Variants in ELP3 observed in about 807,000 individuals in gnomAD.
ELP3 encodes the protein elongator complex protein 3.
In ELP3, 56 loss-of-function variants were observed where a neutral mutation model predicts 74.9. The observed-to-expected ratio is 0.75, with a 90% CI of 0.60 to 0.93. The LOEUF (loss-of-function observed/expected upper bound fraction) is 0.93, where lower values mean the gene tolerates loss of function less well. ELP3 is among the 40% of genes least tolerant of loss of function. The pLI, the probability that ELP3 is intolerant of heterozygous loss-of-function variation, is 0.00. For missense variants in ELP3, 573 were observed against 686.5 expected, an observed-to-expected ratio of 0.83 and a Z score of 1.85; for synonymous variants, 222 against 239.8, an observed-to-expected ratio of 0.93 and a Z score of 0.68.
At chr8:28,182,795 C>T (rs539395446) in intron 14 of ELP3, among the ~76,000 whole-genome samples, 25 of 152,306 alleles carry the variant, frequency 1.6e-4, no homozygotes, top group African/African-American at 5.5e-4. Context: ...CCACGTGGTG[C>T]GTATCTTTTG....
intron 14 of ELP3, among the ~76,000 whole-genome samples, chr8:28,185,544 G>C (rs1815204159): frequency 6.6e-6 from 1 of 152,164 alleles, no homozygotes; most frequent in South Asian, 2.1e-4. Flanking sequence ...TAAAACAGTG[G>C]AACTCTAATT....
intron 13 of ELP3, 48 bp from the exon 14 acceptor site, chr8:28,161,949 G>T: frequency 6.3e-7 from 1 of 1,592,598 alleles, no homozygotes; most frequent in South Asian, 1.1e-5. Flanking sequence ...CCCTCTTAAT[G>T]AACTTCCTTC....
rs1813490652 is a variant in ELP3 at position 28,147,855 on chromosome 8, G to T, written c.1101-8087G>T. Among the ~76,000 whole-genome samples, 1 of 152,140 alleles carries T rather than the reference G, an allele frequency of 6.6e-6. No individual in the cohort carries two copies. The highest frequency in any genetic ancestry group is 1.5e-5 in the Non-Finnish European group (1 of 68,026). Reference sequence around the variant, plus strand: ...GAACACAGAACATCTTGTCTTTCCAGAGAGTAAGTAAATAATCAAAGAATG... The same window carrying T: ...GAACACAGAACATCTTGTCTTTCCATAGAGTAAGTAAATAATCAAAGAATG... On this transcript the variant is annotated intron_variant, in intron 10 of 14. Transcript: ENST00000256398. This position sits in a 1 kb window ranked among gnomAD's most constrained non-coding sequence, Gnocchi z 4.5.
chr8:28,159,756 G>T (rs1174591994), intron 12 of ELP3, among the ~76,000 whole-genome samples: 1 of 152,196 alleles, frequency 6.6e-6, no homozygotes, highest in Non-Finnish European at 1.5e-5. Flanking sequence ...TCGTCAAGGT[G>T]CAGGTGACCA....
upstream of ELP3, among the ~76,000 whole-genome samples, chr8:28,091,409 T>A (rs2037232841): frequency 6.6e-6 from 1 of 152,186 alleles, no homozygotes; most frequent in Admixed American, 6.5e-5. Flanking sequence ...AGAATTATTT[T>A]CGGTTTACAG....
intron 3 of ELP3, among the ~76,000 whole-genome samples, chr8:28,101,242 A>C (rs571493864): frequency 2.0e-5 from 3 of 151,690 alleles, no homozygotes; most frequent in South Asian, 2.1e-4. Flanking sequence ...ACGAAAGCCC[A>C]TCTCTACTAA....
chr8:28,123,454 G>A (rs569204981), intron 7 of ELP3, among the ~76,000 whole-genome samples: 1 of 152,200 alleles, frequency 6.6e-6, no homozygotes, highest in East Asian at 1.9e-4. Context: ...GTCTCTCTTG[G>A]TGAACATGCC....
At chr8:28,170,864 C>T (rs1814496991) in intron 14 of ELP3, among the ~76,000 whole-genome samples, 1 of 152,144 alleles carries the variant, frequency 6.6e-6, no homozygotes, top group Non-Finnish European at 1.5e-5. Flanking sequence ...ACTGTGAACC[C>T]ATTAAGCAGT....
Position 28,132,345 on chromosome 8 carries a change from G to A in ELP3, c.847G>A (p.Ala283Thr), listed in dbSNP as rs772135398. ...LAKDSGFKVV[A>T]HMMPDLPNVG... The stretch of plus-strand genomic sequence containing the variant: ...CAAAGATTCCGGTTTTAAAGTGGTG[G>A]CCCATATGATGCCTGACCTGCCAAA... The change falls in exon 9 of 15, where the codon GCC becomes ACC. Residue 283 changes from alanine (A) to threonine (T), a missense_variant. By Grantham distance (58) the Ala-to-Thr change is moderately conservative. Transcript: ENST00000256398. 1.9e-6 allele frequency: 3 copies of A among 1,614,002 alleles called. No homozygotes were observed. Among genetic ancestry groups the A allele is most frequent in the African/African-American group, 2.7e-5 (2 of 74,898 alleles).
At chr8:28,171,860 TAATTA>T (rs1472360100) in intron 14 of ELP3, among the ~76,000 whole-genome samples, 1 of 152,154 alleles carries the variant, frequency 6.6e-6, no homozygotes, top group African/African-American at 2.4e-5. Context: ...GAGTCTAATT[TAATTA>T]TTTTGCATGT....
upstream of ELP3, among the ~76,000 whole-genome samples, chr8:28,090,940 T>C (rs1386388728): frequency 1.4e-5 from 2 of 144,352 alleles, no homozygotes; most frequent in African/African-American, 5.2e-5. Context: ...GGAGTCTCAC[T>C]GTGTCGCCCA....
chr8:28,149,026 A>G (rs1052327422), intron 10 of ELP3, among the ~76,000 whole-genome samples: 2 of 152,256 alleles, frequency 1.3e-5, no homozygotes, highest in Non-Finnish European at 2.9e-5. Context: ...TCCTTCCATC[A>G]TATGAGACAC....
At chr8:28,171,255 A>G (rs1009174922) in intron 14 of ELP3, among the ~76,000 whole-genome samples, 3 of 152,172 alleles carry the variant, frequency 2.0e-5, no homozygotes, top group Non-Finnish European at 2.9e-5. Flanking sequence ...AGGAACCACC[A>G]AACTATTTTC....
At chr8:28,126,954 C>T (rs184071857) in intron 7 of ELP3, among the ~76,000 whole-genome samples, 11 of 152,176 alleles carry the variant, frequency 7.2e-5, no homozygotes, top group Middle Eastern at 3.4e-3. Flanking sequence ...AATTGCTTTT[C>T]AGATGCAAAT....
At chr8:28,188,200 G>C (rs941842695) in intron 14 of ELP3, among the ~76,000 whole-genome samples, 10 of 152,190 alleles carry the variant, frequency 6.6e-5, no homozygotes, top group Admixed American at 2.6e-4. Flanking sequence ...TGAGGAATGC[G>C]TCCAATATGC....
Position 28,125,320 on chromosome 8 carries a change from A to T in ELP3, c.618-4182A>T, listed in dbSNP as rs973431720. ...TGTGCAATTTGGTTTGAACAGGTTG[A>T]GTATGAGGTTGCAGCATGTCCACAC... On this transcript the variant is annotated intron_variant, in intron 7 of 14. Transcript: ENST00000256398. 7.9e-5 allele frequency among the ~76,000 whole-genome samples: 12 copies of T among 152,364 alleles called. No homozygotes were observed. The East Asian group carries it at 1.7e-3, about 22-fold the overall frequency.
rs777838844 is a variant in ELP3, at chr8:28,137,757, G to C, written c.966G>C (p.Val322=). 1 of 1,614,138 alleles carries C rather than the reference G, an allele frequency of 6.2e-7. No individual in the cohort carries two copies. The highest frequency in any genetic ancestry group is 8.5e-7 in the Non-Finnish European group (1 of 1,180,014). The part of the protein sequence containing the change: ...PDGLKLYPTL[V]IRGTGLYELW... ...GGCTGAAACTCTATCCTACCCTGGT[G>C]ATTCGTGGGACCGGGCTTTATGAGC... is the stretch of plus-strand genomic sequence containing the variant. The change falls in exon 10 of 15, where the codon GTG becomes GTC. Residue 322 remains valine (V), a synonymous_variant. Coordinates refer to ENST00000256398, the MANE Select transcript of ELP3 (RefSeq NM_018091.6).
At chr8:28,152,562 T>C (rs1264578260) in intron 10 of ELP3, among the ~76,000 whole-genome samples, 4 of 152,150 alleles carry the variant, frequency 2.6e-5, no homozygotes, top group Non-Finnish European at 5.9e-5. Context: ...TCCCAGCACT[T>C]TGGGAGGCCG....
At chr8:28,173,417 ATTC>A (rs1185952592) in intron 14 of ELP3, among the ~76,000 whole-genome samples, 1 of 151,928 alleles carries the variant, frequency 6.6e-6, no homozygotes, top group Non-Finnish European at 1.5e-5. Flanking sequence ...TTCTTATAGA[ATTC>A]TTATTTCTGT....
Sources: allele counts gnomAD v4.1 joint callset (sites outside exome capture counted in the v4.1 genomes callset), GRCh38; gene constraint gnomAD v4.1.1; non-coding constraint Gnocchi (gnomAD v3.1); transcripts MANE v1.5; gene names NCBI Gene and HGNC (gene_info 2026-07-23, HGNC 2026-07-21).